The following SEMA4D variants were observed in gnomAD, a reference collection of about 807,000 sequenced individuals.
The protein encoded by SEMA4D is semaphorin-4D.
Under a neutral mutation model 74.8 loss-of-function variants are expected in SEMA4D, and 22 were observed. That is an observed-to-expected ratio of 0.29 (90% CI 0.21 to 0.42). The LOEUF is 0.42. Among genes scored for constraint, SEMA4D ranks in the 10% least tolerant of loss-of-function variants. The pLI is 1.00. For synonymous variants in SEMA4D, 445 were observed against 463.7 expected (o/e 0.96, Z 0.52); for missense variants, 937 against 1,118.4 (o/e 0.84, Z 2.31).
chr9:89,457,201 C>CAACCAGAGCCTGTGATGGGGTGGGGA (rs1856144124), intron 1 of SEMA4D, among the ~76,000 whole-genome samples: 1 of 152,032 alleles, frequency 6.6e-6, no homozygotes, highest in East Asian at 1.9e-4. Context: ...TGGGGTGGAG[C>CAACCAGAGCCTGTGATGGGGTGGGGA]AACCAGAGCC....
In SEMA4D at chr9:89,392,464, TG is replaced by T; in HGVS notation, c.580del (p.His194ThrfsTer4). 6.2e-7 allele frequency: 1 copy of T among 1,613,812 alleles called. No homozygotes were observed. The highest frequency in any genetic ancestry group is 8.5e-7 in the Non-Finnish European group (1 of 1,179,784). ...TGCATATTCTGTCCTCAGAGGACTG[TG>T]GGAAGAATTTCGGGAGATGATGGGT... Reference protein sequence around the residue: ...SEPIISRNSSHSPLRTEYAIP... With the variant: ...SEPIISRNSSXSPLRTEYAIP... On this transcript the variant is annotated frameshift_variant, in exon 8 of 16. Coordinates refer to ENST00000422704, the MANE Select transcript of SEMA4D (RefSeq NM_001371194.2). LOFTEE classifies it high-confidence loss of function.
rs141520087 is a variant in SEMA4D, at chr9:89,496,881, G to C, written c.-310+1038C>G. On this transcript the variant is annotated intron_variant, in intron 1 of 15. Transcript: ENST00000422704. ...CCGTGGCGCCTGGTGGATTTGAAAA[G>C]ACTCAGAACAGCAGGGTGAGATGCT... Among the ~76,000 whole-genome samples the C allele has an allele frequency of 1.8e-3, 271 of 152,322 alleles. 1 individual carries two copies. The highest frequency in any genetic ancestry group is 6.3e-3 in the African/African-American group (260 of 41,580).
At chr9:89,421,624 G>A (rs565636953) in intron 2 of SEMA4D, among the ~76,000 whole-genome samples, 1 of 152,298 alleles carries the variant, frequency 6.6e-6, no homozygotes, top group East Asian at 1.9e-4. Context: ...ATACAGCATA[G>A]AACGTTTTCT....
intron 3 of SEMA4D, 105 bp downstream of exon 3, chr9:89,405,246 C>T: frequency 1.1e-6 from 1 of 944,994 alleles, no homozygotes; most frequent in Non-Finnish European, 1.7e-6. Context: ...CTCAGCATTC[C>T]AGGAAGTGGG....
chr9:89,482,514 G>C (rs1312015285), intron 1 of SEMA4D, among the ~76,000 whole-genome samples: 1 of 152,208 alleles, frequency 6.6e-6, no homozygotes, highest in Non-Finnish European at 1.5e-5. Flanking sequence ...AATGTCTCCT[G>C]TGCAGCAGGA....
chr9:89,457,205 C>G (rs1856144825), intron 1 of SEMA4D, among the ~76,000 whole-genome samples: 1 of 152,144 alleles, frequency 6.6e-6, no homozygotes, highest in Non-Finnish European at 1.5e-5. Flanking sequence ...GTGGAGCAAC[C>G]AGAGCCTGTG....
chr9:89,364,679 G>A lies in SEMA4D; in HGVS notation c.1883-729C>T, dbSNP rs141459774. ...TGATCTTAATTACTTATTGAAGAAA[G>A]TAGAGAGGCCAGTTACTTCACACAC... On this transcript the variant is annotated intron_variant, in intron 16 of 18. Transcript: ENST00000339861. 5.1e-3 allele frequency: 794 copies of A among 154,814 alleles called. 5 individuals are homozygous for A. Among genetic ancestry groups the A allele is most frequent in the African/African-American group, 0.018 (745 of 41,600 alleles). The allele number at this position is 154,814 out of a possible 1,614,324, so 9.6% of individuals were successfully genotyped here.
At chr9:89,425,086 T>C (rs1462988771) in intron 2 of SEMA4D, among the ~76,000 whole-genome samples, 2 of 152,170 alleles carry the variant, frequency 1.3e-5, no homozygotes, top group Non-Finnish European at 2.9e-5. Context: ...TATTCTGATT[T>C]AGCAGCTCCC....
chr9:89,487,143 AAT>A (rs899905751), intron 1 of SEMA4D, among the ~76,000 whole-genome samples: 41 of 149,098 alleles, frequency 2.7e-4, no homozygotes, highest in African/African-American at 8.3e-4. Context: ...GCAATATATA[AAT>A]ATATATATAT....
chr9:89,446,570 G>A (rs1455705626), intron 2 of SEMA4D, among the ~76,000 whole-genome samples: 1 of 152,158 alleles, frequency 6.6e-6, no homozygotes, highest in Non-Finnish European at 1.5e-5. Context: ...GCCTCTCTCG[G>A]GCCACCAAGG....
At chr9:89,370,544 G>T (rs916927403) in intron 16 of SEMA4D, among the ~76,000 whole-genome samples, 1 of 150,914 alleles carries the variant, frequency 6.6e-6, no homozygotes, top group Non-Finnish European at 1.5e-5. Flanking sequence ...CATGTGGTGT[G>T]AGGGGGTGTG....
intron 16 of SEMA4D, among the ~76,000 whole-genome samples, chr9:89,371,812 G>A (rs376261117): frequency 0.012 from 724 of 58,036 alleles, 22 homozygotes; most frequent in South Asian, 0.016. Context: ...TGTGTGGGGG[G>A]TGTGTGTGTC....
At position 89,458,703 on chromosome 9, in the gene SEMA4D, A is replaced by G. The variant is rs1023885687; in HGVS notation, c.-309-2750T>C. ...GAGACACACATACATACACATGCACATATATACATCCAAACACGCACATCC... is the reference window on the plus strand; with the variant it reads ...GAGACACACATACATACACATGCACGTATATACATCCAAACACGCACATCC... On this transcript the variant is annotated intron_variant, in intron 1 of 15. Transcript: ENST00000422704. Among the ~76,000 whole-genome samples, 4 of 152,124 alleles carry G rather than the reference A, an allele frequency of 2.6e-5. No homozygotes were observed. The South Asian group carries it at 8.3e-4, about 31-fold the overall frequency.
intron 1 of SEMA4D, among the ~76,000 whole-genome samples, chr9:89,488,963 T>A (rs755153064): frequency 6.6e-6 from 1 of 152,122 alleles, no homozygotes; most frequent in Non-Finnish European, 1.5e-5. Flanking sequence ...GACAACCCAA[T>A]TAAAAAGTGA....
chr9:89,476,153 C>T (rs770564976), intron 1 of SEMA4D, among the ~76,000 whole-genome samples: 7 of 152,196 alleles, frequency 4.6e-5, no homozygotes, highest in Non-Finnish European at 1.0e-4. Context: ...TCATGCTGGC[C>T]CGATGATCTC....
chr9:89,497,132 AAGCCAGAAAAT>A, intron 1 of SEMA4D, among the ~76,000 whole-genome samples: 1 of 152,196 alleles, frequency 6.6e-6, no homozygotes, highest in South Asian at 2.1e-4. Flanking sequence ...CCAAAATACT[AAGCCAGAAAAT>A]AGAGGACAAC....
At chr9:89,418,266 G>C (rs1846132995) in intron 2 of SEMA4D, 1 of 709,660 alleles carries the variant, frequency 1.4e-6, no homozygotes, top group South Asian at 6.4e-5. Flanking sequence ...AGCTTGGCTT[G>C]CATGTGCTGG....
In SEMA4D at chr9:89,454,927, G is replaced by A. The variant is rs559416012; in HGVS notation, c.-244+961C>T. ...CCCCGCCCCTCGAGGAAGCTGCCCC[G>A]GGTGGCTCTGCCTCTTCACATTTAC... On this transcript the variant is annotated intron_variant, in intron 2 of 15. Transcript: ENST00000422704. Among the ~76,000 whole-genome samples, 11 of 152,354 alleles carry A rather than the reference G, an allele frequency of 7.2e-5. 1 individual carries two copies. The highest frequency in any genetic ancestry group is 6.5e-4 in the Admixed American group (10 of 15,310).
intron 1 of SEMA4D, among the ~76,000 whole-genome samples, chr9:89,486,843 G>A (rs1330342932): frequency 2.6e-5 from 4 of 152,130 alleles, no homozygotes; most frequent in African/African-American, 7.2e-5. Flanking sequence ...GGAAGTCAAG[G>A]CTGCAGTGAG....
Sources: allele counts gnomAD v4.1 joint callset (sites outside exome capture counted in the v4.1 genomes callset), GRCh38; gene constraint gnomAD v4.1.1; transcripts MANE v1.5; gene names NCBI Gene and HGNC (gene_info 2026-07-23, HGNC 2026-07-21).